The following TGFBR2 variants were observed in gnomAD, a reference collection of about 807,000 sequenced individuals.
The protein encoded by TGFBR2 is TGF-beta receptor type-2.
A neutral mutation model predicts 49.0 loss-of-function variants in TGFBR2; 18 were observed. The observed-to-expected ratio is 0.37, with a 90% CI of 0.25 to 0.54. The LOEUF is 0.54. Ranked by LOEUF, TGFBR2 falls within the 20% of genes least tolerant of loss-of-function variation. The pLI, the probability that TGFBR2 is intolerant of heterozygous loss-of-function variation, is 0.85. For missense variants in TGFBR2, 525 were observed against 722.6 expected, an observed-to-expected ratio of 0.73 and a Z score of 3.13; for synonymous variants, 282 against 275.9, an observed-to-expected ratio of 1.02 and a Z score of -0.22.
intron 3 of TGFBR2, among the ~76,000 whole-genome samples, chr3:30,662,678 G>A (rs1349972746): frequency 1.3e-5 from 2 of 152,120 alleles, no homozygotes; most frequent in African/African-American, 4.8e-5. Flanking sequence ...CTTTTTACTA[G>A]GATGATGGAT....
intron 5 of TGFBR2, among the ~76,000 whole-genome samples, chr3:30,677,497 C>T (rs1281409667): frequency 6.6e-6 from 1 of 152,202 alleles, no homozygotes; most frequent in African/African-American, 2.4e-5. Flanking sequence ...CGTCCTGACA[C>T]AAAGCCGTTC....
intron 2 of TGFBR2, among the ~76,000 whole-genome samples, chr3:30,646,217 A>G (rs1186247306): frequency 6.6e-6 from 1 of 152,204 alleles, no homozygotes; most frequent in Non-Finnish European, 1.5e-5. Context: ...ACTTCTGTAC[A>G]TACCACGGGA....
At chr3:30,655,144 C>T (rs1264138228) in intron 3 of TGFBR2, among the ~76,000 whole-genome samples, 2 of 152,154 alleles carry the variant, frequency 1.3e-5, no homozygotes, top group African/African-American at 2.4e-5. Context: ...ATGTAAAGTG[C>T]TTGCAACGTT....
chr3:30,617,347 C>T (rs970235696), intron 1 of TGFBR2, among the ~76,000 whole-genome samples: 6 of 152,090 alleles, frequency 3.9e-5, no homozygotes, highest in East Asian at 1.9e-4. Context: ...ATCGGATTTG[C>T]GTCTCATTCT....
At chr3:30,613,558 G>C (rs1698072253) in intron 1 of TGFBR2, among the ~76,000 whole-genome samples, 1 of 152,120 alleles carries the variant, frequency 6.6e-6, no homozygotes. Context: ...GAGAAAGAGA[G>C]AGAGAGACAG....
At chr3:30,624,034 T>G (rs1236293639) in intron 1 of TGFBR2, among the ~76,000 whole-genome samples, 1 of 151,922 alleles carries the variant, frequency 6.6e-6, no homozygotes, top group Non-Finnish European at 1.5e-5. Context: ...TCACAGCTAC[T>G]CGGGAGGCTG....
intron 6 of TGFBR2, among the ~76,000 whole-genome samples, chr3:30,688,775 GGTT>G (rs1480636771): frequency 6.6e-6 from 1 of 152,174 alleles, no homozygotes; most frequent in African/African-American, 2.4e-5. Flanking sequence ...CTTGGTCCTG[GGTT>G]AAAACATTTT....
chr3:30,691,243 C>G (rs985868210), intron 6 of TGFBR2, among the ~76,000 whole-genome samples, 177 bp from the exon 7 acceptor site: 5 of 152,192 alleles, frequency 3.3e-5, no homozygotes, highest in South Asian at 2.1e-4. Context: ...CCCCCACCAC[C>G]CTTTCCACAT....
intron 1 of TGFBR2, chr3:30,623,225 GA>G: frequency 6.2e-7 from 1 of 1,606,166 alleles, no homozygotes; most frequent in Non-Finnish European, 8.5e-7. Context: ...CCAGAAAGAT[GA>G]AATCATCTGC....
chr3:30,615,061 G>GA (rs1393063292), intron 1 of TGFBR2, among the ~76,000 whole-genome samples: 1 of 152,136 alleles, frequency 6.6e-6, no homozygotes, highest in Non-Finnish European at 1.5e-5. Flanking sequence ...GATCTCAATG[G>GA]AAAAATGAAG....
chr3:30,691,610 G>T lies in TGFBR2; in HGVS notation c.*11G>T. The T allele has an allele frequency of 6.2e-7, 1 of 1,613,994 alleles. No homozygotes were observed. Among genetic ancestry groups the T allele is most frequent in the Middle Eastern group, 1.7e-4 (1 of 6,060 alleles). Reference sequence around the variant, plus strand: ...AACACTACCAAATAGCTCTTCTGGGGCAGGCTGGGCCATGTCCAAAGAGGC... The same window carrying T: ...AACACTACCAAATAGCTCTTCTGGGTCAGGCTGGGCCATGTCCAAAGAGGC... On this transcript the variant is annotated 3_prime_UTR_variant, in exon 7 of 7. Transcript: ENST00000295754.
intron 3 of TGFBR2, among the ~76,000 whole-genome samples, chr3:30,666,501 A>G (rs1699245473): frequency 6.6e-6 from 1 of 152,200 alleles, no homozygotes; most frequent in Non-Finnish European, 1.5e-5. Flanking sequence ...CTTTAGACAC[A>G]TTATACAAGA....
chr3:30,661,164 G>T (rs892732905), intron 3 of TGFBR2, among the ~76,000 whole-genome samples: 1 of 152,122 alleles, frequency 6.6e-6, no homozygotes, highest in African/African-American at 2.4e-5. Flanking sequence ...GCCAGAAAAA[G>T]AATTAAAGAA....
chr3:30,613,131 C>CTTTTT, intron 1 of TGFBR2, among the ~76,000 whole-genome samples: 1 of 129,320 alleles, frequency 7.7e-6, no homozygotes. Context: ...ACATGCAGCT[C>CTTTTT]TTTTTTTTTT....
intron 3 of TGFBR2, among the ~76,000 whole-genome samples, chr3:30,666,043 T>C (rs896006657): frequency 2.0e-5 from 3 of 152,142 alleles, no homozygotes; most frequent in African/African-American, 7.2e-5. Context: ...AACAAACTCA[T>C]AGGTACAGCT....
At chr3:30,612,751 A>G (rs1346501132) in intron 1 of TGFBR2, among the ~76,000 whole-genome samples, 2 of 142,740 alleles carry the variant, frequency 1.4e-5, no homozygotes, top group South Asian at 2.3e-4. Flanking sequence ...ACAATCGTGT[A>G]CAACTGCTGA....
At chr3:30,684,258 G>A (rs1178205776) in intron 5 of TGFBR2, among the ~76,000 whole-genome samples, 3 of 151,588 alleles carry the variant, frequency 2.0e-5, no homozygotes, top group South Asian at 4.2e-4. Flanking sequence ...ACATTGCAGG[G>A]CATGAGAAAA....
intron 3 of TGFBR2, among the ~76,000 whole-genome samples, chr3:30,664,202 T>C (rs1699202823): frequency 6.6e-6 from 1 of 151,622 alleles, no homozygotes; most frequent in Non-Finnish European, 1.5e-5. Flanking sequence ...CAGGCTGGTG[T>C]CAAACTCCTG....
intron 1 of TGFBR2, among the ~76,000 whole-genome samples, chr3:30,610,536 G>A (rs1240426779): frequency 3.9e-5 from 6 of 152,176 alleles, no homozygotes; most frequent in Admixed American, 1.3e-4. Flanking sequence ...TTTGAGGATA[G>A]GCTGGTGGTA....
Sources: gnomAD v4.1 joint callset for allele counts (sites outside exome capture counted in the v4.1 genomes callset) on GRCh38, gnomAD v4.1.1 for gene constraint, MANE v1.5 for transcripts, NCBI Gene and HGNC (gene_info 2026-07-23, HGNC 2026-07-21) for gene names.